MYOCD: variants seen among roughly 807,000 people sequenced by gnomAD.
MYOCD encodes myocardin.
MYOCD carries 32 observed loss-of-function variants against 96.1 expected under a neutral mutation model. The ratio of observed to expected loss-of-function variants is 0.33; its 90% CI spans 0.25 to 0.45. The LOEUF (loss-of-function observed/expected upper bound fraction) is 0.45. Among genes scored for constraint, MYOCD ranks in the 20% least tolerant of loss-of-function variants. The probability of loss-of-function intolerance (pLI) is 1.00; values close to 1 mark genes in which losing one functional copy is unlikely to be tolerated. For synonymous variants in MYOCD, 469 were observed against 469.0 expected, an observed-to-expected ratio of 1.00 and a Z score of 0.00; for missense variants, 1,133 against 1,200.6, an observed-to-expected ratio of 0.94 and a Z score of 0.83.
At chr17:12,728,026 C>T (rs1282404300) in intron 5 of MYOCD, among the ~76,000 whole-genome samples, 1 of 152,150 alleles carries the variant, frequency 6.6e-6, no homozygotes, top group Non-Finnish European at 1.5e-5. Context: ...GAGCATGCAC[C>T]TCATTGCCTA....
intron 9 of MYOCD, among the ~76,000 whole-genome samples, chr17:12,750,062 C>G (rs1281545824): frequency 6.6e-6 from 1 of 151,880 alleles, no homozygotes; most frequent in Non-Finnish European, 1.5e-5. Flanking sequence ...TGGTCTCGAT[C>G]TCCTGACCTC....
At chr17:12,674,963 C>A (rs1344467898) in intron 1 of MYOCD, among the ~76,000 whole-genome samples, 1 of 151,856 alleles carries the variant, frequency 6.6e-6, no homozygotes, top group Non-Finnish European at 1.5e-5. Flanking sequence ...CTTTAAAACT[C>A]CACATTAAAA....
intron 1 of MYOCD, among the ~76,000 whole-genome samples, chr17:12,674,396 C>T (rs922880622): frequency 1.3e-5 from 2 of 152,136 alleles, no homozygotes; most frequent in Non-Finnish European, 2.9e-5. Context: ...GTTTCTAGTA[C>T]TTAACCTATA....
intron 1 of MYOCD, among the ~76,000 whole-genome samples, chr17:12,677,441 A>G (rs749738654): frequency 2.2e-4 from 33 of 152,274 alleles, no homozygotes; most frequent in Non-Finnish European, 3.8e-4. Flanking sequence ...GGCCGGGCAC[A>G]GTGGCTCACG....
intron 1 of MYOCD, among the ~76,000 whole-genome samples, chr17:12,668,251 C>T (rs1322134044): frequency 2.0e-5 from 3 of 152,088 alleles, no homozygotes; most frequent in Non-Finnish European, 1.5e-5. Context: ...TCTCTTTCAT[C>T]ATCTTCTTCT....
At chr17:12,747,965 C>G (rs2032716352) in intron 9 of MYOCD, among the ~76,000 whole-genome samples, 1 of 150,274 alleles carries the variant, frequency 6.7e-6, no homozygotes, top group Admixed American at 6.6e-5. Flanking sequence ...GAGATCAAGA[C>G]CAGCCTGACC....
chr17:12,708,171 G>C (rs755621430), intron 2 of MYOCD, among the ~76,000 whole-genome samples: 1 of 152,096 alleles, frequency 6.6e-6, no homozygotes, highest in Non-Finnish European at 1.5e-5. Context: ...AGGTTAAAGA[G>C]GCCTAAGAGG....
At chr17:12,682,321 A>T (rs1204185057) in intron 1 of MYOCD, among the ~76,000 whole-genome samples, 1 of 152,208 alleles carries the variant, frequency 6.6e-6, no homozygotes, top group Non-Finnish European at 1.5e-5. Context: ...GATGTGTGCC[A>T]CACAGTATCA....
chr17:12,717,201 T>G (rs1017414581), intron 3 of MYOCD, 145 bp from the exon 4 acceptor site: 2 of 626,576 alleles, frequency 3.2e-6, no homozygotes. Flanking sequence ...GAGGGGTCTT[T>G]GGAAATGTTC....
chr17:12,745,084 C>A (rs553024680), intron 8 of MYOCD, among the ~76,000 whole-genome samples: 18 of 152,206 alleles, frequency 1.2e-4, no homozygotes, highest in Non-Finnish European at 2.1e-4. Flanking sequence ...TTCCGATGCC[C>A]TTCTGCTTTT....
intron 1 of MYOCD, among the ~76,000 whole-genome samples, chr17:12,674,656 T>C (rs1174172358): frequency 1.3e-5 from 2 of 152,190 alleles, no homozygotes; most frequent in African/African-American, 4.8e-5. Flanking sequence ...TACACTTATG[T>C]ATATACGCAT....
At chr17:12,741,623 C>T (rs188665767) in intron 7 of MYOCD, among the ~76,000 whole-genome samples, 19 of 151,880 alleles carry the variant, frequency 1.3e-4, no homozygotes, top group African/African-American at 2.9e-4. Flanking sequence ...GCAGGATAAT[C>T]GCTTGAACCC....
intron 1 of MYOCD, among the ~76,000 whole-genome samples, chr17:12,692,988 A>T (rs8074297): frequency 0.29 from 44,740 of 152,054 alleles, 6,973 homozygotes; most frequent in African/African-American, 0.37. Flanking sequence ...CAGAGATAGT[A>T]TAGCTCCCAT....
At chr17:12,677,429 T>C (rs1433535080) in intron 1 of MYOCD, among the ~76,000 whole-genome samples, 1 of 151,788 alleles carries the variant, frequency 6.6e-6, no homozygotes, top group African/African-American at 2.4e-5. Context: ...AAAAAACTTA[T>C]AGGCCGGGCA....
chr17:12,728,651 G>C (rs1014810774), intron 5 of MYOCD, among the ~76,000 whole-genome samples: 22 of 152,068 alleles, frequency 1.4e-4, no homozygotes, highest in Non-Finnish European at 3.1e-4. Context: ...AGCTAATTTT[G>C]TATTTTTAGT....
intron 7 of MYOCD, among the ~76,000 whole-genome samples, chr17:12,740,847 T>TCCTGC (rs536040431): frequency 1.2e-3 from 182 of 152,268 alleles, no homozygotes; most frequent in African/African-American, 4.0e-3. Context: ...CAAGTGATTC[T>TCCTGC]CCTGCCTCAG....
intron 1 of MYOCD, among the ~76,000 whole-genome samples, chr17:12,682,406 A>G (rs1385936127): frequency 1.3e-5 from 2 of 152,198 alleles, no homozygotes; most frequent in Non-Finnish European, 2.9e-5. Flanking sequence ...TTATCCATTC[A>G]TCAGCCAATA....
intron 13 of MYOCD, chr17:12,761,788 T>A (rs1488309641): frequency 6.6e-6 from 1 of 152,166 alleles, no homozygotes; most frequent in Non-Finnish European, 1.5e-5. Context: ...CACGCCCAGC[T>A]AATTTTTTGT....
chr17:12,733,913 C>T (rs1399541243), intron 5 of MYOCD, among the ~76,000 whole-genome samples: 1 of 151,888 alleles, frequency 6.6e-6, no homozygotes, highest in Non-Finnish European at 1.5e-5. Context: ...AATGTGCCCC[C>T]TTCCTGAACT....
Sources: gnomAD v4.1 joint callset for allele counts (sites outside exome capture counted in the v4.1 genomes callset) on GRCh38, gnomAD v4.1.1 for gene constraint, MANE v1.5 for transcripts, NCBI Gene and HGNC (gene_info 2026-07-23, HGNC 2026-07-21) for gene names.